Variants in MAD1L1 observed in about 807,000 individuals in gnomAD.
MAD1L1 encodes mitotic arrest deficient 1 like 1, also known as mitotic spindle assembly checkpoint protein MAD1.
Under a neutral mutation model 96.9 loss-of-function variants are expected in MAD1L1, and 95 were observed. That is an observed-to-expected ratio of 0.98 (90% CI 0.83 to 1.16). The LOEUF (loss-of-function observed/expected upper bound fraction) is 1.16. Among genes scored for constraint, MAD1L1 ranks in the 50% most tolerant of loss-of-function variants. MAD1L1 has a pLI of 0.00. For synonymous variants in MAD1L1, 473 were observed against 396.6 expected (o/e 1.19, Z -2.29); for missense variants, 1,007 against 954.4 (o/e 1.06, Z -0.73).
intron 14 of MAD1L1, among the ~76,000 whole-genome samples, chr7:1,999,500 A>C (rs1343865457): frequency 6.6e-6 from 1 of 152,192 alleles, no homozygotes; most frequent in Non-Finnish European, 1.5e-5. Context: ...TGGCAGACAG[A>C]AGCCTGACGC....
rs555152620 is a variant in MAD1L1 at position 1,839,379 on chromosome 7, G to C, written c.1999-23151C>G. 3.3e-5 allele frequency among the ~76,000 whole-genome samples: 5 copies of C among 151,806 alleles called. No individual in the cohort carries two copies. The East Asian group carries it at 7.8e-4, about 24-fold the overall frequency. ...CAGGAAAGCGTCCTGCCCCCTGCCTGGCAGGAAAGCATCCTGCCCACCCGG... is the reference window on the plus strand; with the variant it reads ...CAGGAAAGCGTCCTGCCCCCTGCCTCGCAGGAAAGCATCCTGCCCACCCGG... On this transcript the variant is annotated intron_variant, in intron 18 of 18. Coordinates refer to ENST00000265854, the MANE Select transcript of MAD1L1 (RefSeq NM_001013836.2).
chr7:2,023,134 G>C (rs2128502788), intron 12 of MAD1L1, among the ~76,000 whole-genome samples: 1 of 152,268 alleles, frequency 6.6e-6, no homozygotes, highest in Middle Eastern at 3.4e-3. Context: ...AGATCCCGCA[G>C]GCAGAAAATC....
intron 10 of MAD1L1, among the ~76,000 whole-genome samples, chr7:2,167,384 A>G (rs1415575232): frequency 3.4e-5 from 5 of 149,184 alleles, no homozygotes; most frequent in Non-Finnish European, 7.5e-5. Context: ...CGTCTCTACT[A>G]AAAATACAAA....
intron 18 of MAD1L1, among the ~76,000 whole-genome samples, chr7:1,895,854 G>A (rs1021418409): frequency 5.3e-5 from 8 of 152,276 alleles, no homozygotes; most frequent in African/African-American, 1.9e-4. Flanking sequence ...GGTCCAGAAG[G>A]TCAGGTCAGG....
At chr7:1,823,465 C>A (rs1466709385) in intron 18 of MAD1L1, among the ~76,000 whole-genome samples, 1 of 152,160 alleles carries the variant, frequency 6.6e-6, no homozygotes, top group African/African-American at 2.4e-5. Context: ...GGATAAGCTA[C>A]ACGACAGGGC....
intron 11 of MAD1L1, among the ~76,000 whole-genome samples, chr7:2,143,069 C>G (rs1193521035): frequency 6.6e-6 from 1 of 151,996 alleles, no homozygotes; most frequent in African/African-American, 2.4e-5. Flanking sequence ...AAAGTGACAG[C>G]AGGACACGGT....
chr7:1,985,842 A>C (rs1583999688), intron 14 of MAD1L1, among the ~76,000 whole-genome samples: 1 of 149,780 alleles, frequency 6.7e-6, no homozygotes, highest in African/African-American at 2.5e-5. Flanking sequence ...TGTCTCATGC[A>C]ACCCCCGGCC....
chr7:2,213,186 C>A, intron 10 of MAD1L1, 26 bp downstream of exon 10: 1 of 1,613,570 alleles, frequency 6.2e-7, no homozygotes, highest in Non-Finnish European at 8.5e-7. Context: ...GAAGGCGGGA[C>A]CCCGGAGACA....
At chr7:1,963,254 A>C (rs916929929) in intron 15 of MAD1L1, among the ~76,000 whole-genome samples, 1 of 152,228 alleles carries the variant, frequency 6.6e-6, no homozygotes, top group Non-Finnish European at 1.5e-5. Context: ...TCAGCAGTGA[A>C]GACAACACAG....
chr7:2,085,804 T>C (rs1397119592), intron 11 of MAD1L1, among the ~76,000 whole-genome samples: 5 of 152,146 alleles, frequency 3.3e-5, no homozygotes. Context: ...CGTGCAAACA[T>C]GTTATCAATT....
In MAD1L1 at chr7:2,181,490, C is replaced by G. The variant is rs76385814; in HGVS notation, c.986+31722G>C. ...TGCAAATCAAAACCACAGTGAGATACCACCTTAATCCTGCCAGAATGGCCA... is the reference window on the plus strand; with the variant it reads ...TGCAAATCAAAACCACAGTGAGATAGCACCTTAATCCTGCCAGAATGGCCA... On this transcript the variant is annotated intron_variant, in intron 10 of 18. Transcript: ENST00000265854. Among the ~76,000 whole-genome samples the G allele has an allele frequency of 9.2e-3, 1,397 of 152,330 alleles. 17 individuals are homozygous for G. Among genetic ancestry groups the G allele is most frequent in the African/African-American group, 0.032 (1,333 of 41,580 alleles).
At chr7:1,920,081 C>T (rs912403346) in intron 17 of MAD1L1, among the ~76,000 whole-genome samples, 1 of 152,166 alleles carries the variant, frequency 6.6e-6, no homozygotes, top group African/African-American at 2.4e-5. Context: ...GAGACAGCAA[C>T]CCCCAGAGTC....
chr7:2,074,273 G>A (rs1416483581), intron 11 of MAD1L1, among the ~76,000 whole-genome samples: 2 of 152,172 alleles, frequency 1.3e-5, no homozygotes, highest in Non-Finnish European at 1.5e-5. Flanking sequence ...AGAATCTCAC[G>A]GCGGGTGCAG....
intron 15 of MAD1L1, among the ~76,000 whole-genome samples, chr7:1,978,085 G>A (rs1037073061): frequency 9.8e-5 from 15 of 152,334 alleles, no homozygotes; most frequent in East Asian, 1.9e-4. Context: ...CTGCGCCCGC[G>A]TGCCTCCAGA....
Position 1,866,640 on chromosome 7 carries a change from T to C in MAD1L1, c.1998+31560A>G, listed in dbSNP as rs188438636. 9.4e-3 allele frequency among the ~76,000 whole-genome samples: 1,425 copies of C among 152,262 alleles called. 21 individuals carry two copies. The highest frequency in any genetic ancestry group is 0.033 in the African/African-American group (1,375 of 41,544). On this transcript the variant is annotated intron_variant, in intron 18 of 18. Transcript: ENST00000265854. ...GGACAGGCAGGCAACGCAGAGGCCA[T>C]GGCACCTCTTGCCGGCCAGCCCCAG...
chr7:2,181,379 C>T (rs138940680), intron 10 of MAD1L1, among the ~76,000 whole-genome samples: 1 of 152,198 alleles, frequency 6.6e-6, no homozygotes, highest in Non-Finnish European at 1.5e-5. Context: ...CAGCCACTGA[C>T]GTTTCCACAC....
intron 10 of MAD1L1, among the ~76,000 whole-genome samples, chr7:2,188,539 C>T (rs561638252): frequency 1.3e-5 from 2 of 152,158 alleles, no homozygotes; most frequent in South Asian, 2.1e-4. Context: ...TAAACACTTT[C>T]GTATGCTCAA....
At chr7:1,850,143 G>T (rs563552561) in intron 18 of MAD1L1, among the ~76,000 whole-genome samples, 1 of 152,132 alleles carries the variant, frequency 6.6e-6, no homozygotes, top group Admixed American at 6.5e-5. Context: ...GTGGGTGAGC[G>T]GCGGCCGGGG....
intron 10 of MAD1L1, among the ~76,000 whole-genome samples, chr7:2,209,313 C>T (rs149736691): frequency 1.6e-3 from 246 of 152,266 alleles, no homozygotes; most frequent in East Asian, 8.5e-3. Context: ...TATCCAAGCC[C>T]GGGGCGAGGC....
Sources: gnomAD v4.1 joint callset for allele counts (sites outside exome capture counted in the v4.1 genomes callset) on GRCh38, gnomAD v4.1.1 for gene constraint, MANE v1.5 for transcripts, NCBI Gene and HGNC (gene_info 2026-07-23, HGNC 2026-07-21) for gene names.